CDH18: variants seen among roughly 807,000 people sequenced by gnomAD.
The protein encoded by CDH18 is cadherin-18.
Under a neutral mutation model 67.9 loss-of-function variants are expected in CDH18, and 31 were observed. That is an observed-to-expected ratio of 0.46 (90% CI 0.34 to 0.62). CDH18 has a LOEUF of 0.62. Ranked by LOEUF, CDH18 falls within the 20% of genes least tolerant of loss-of-function variation. The pLI is 0.01. For synonymous variants in CDH18, 362 were observed against 347.2 expected (o/e 1.04, Z -0.48); for missense variants, 890 against 975.5 (o/e 0.91, Z 1.17).
At chr5:20,382,943 T>C (rs762633881) in intron 1 of CDH18, among the ~76,000 whole-genome samples, 90 of 152,272 alleles carry the variant, frequency 5.9e-4, no homozygotes, top group Non-Finnish European at 9.6e-4. Flanking sequence ...ATTGCAACAA[T>C]TAATTTTTCA....
intron 1 of CDH18, chr5:20,304,020 T>C: frequency 7.3e-7 from 1 of 1,361,652 alleles, no homozygotes; most frequent in Non-Finnish European, 1.0e-6. Context: ...AACTTGGCAA[T>C]AATTCCGCAG....
rs114287704 is a variant in CDH18 at position 19,830,541 on chromosome 5, G to T, written c.228+8218C>A. Among the ~76,000 whole-genome samples, 316 of 152,136 alleles carry T rather than the reference G, an allele frequency of 2.1e-3. 1 individual carries two copies. The highest frequency in any genetic ancestry group is 7.4e-3 in the African/African-American group (309 of 41,520). ...TTACTAAAGTCAAGAAATAAAAAATGATGACAAGGTCATGAAGAAAAGGGA... is the reference window on the plus strand; with the variant it reads ...TTACTAAAGTCAAGAAATAAAAAATTATGACAAGGTCATGAAGAAAAGGGA... On this transcript the variant is annotated intron_variant, in intron 3 of 12. Transcript: ENST00000382275.
rs574816076 is a variant in CDH18, at chr5:19,776,733, G to GT, written c.229-29498dup. On this transcript the variant is annotated intron_variant, in intron 3 of 12. Coordinates refer to ENST00000382275, the MANE Select transcript of CDH18 (RefSeq NM_004934.5). ...ATTTTTTTAGTTGAGTGGCACCATA[G>GT]TGAAATAAGACTATATAAGTGGGAG... Among the ~76,000 whole-genome samples the GT allele has an allele frequency of 9.2e-5, 14 of 152,260 alleles. No individual in the cohort carries two copies. The East Asian group carries it at 2.5e-3, about 27-fold the overall frequency.
chr5:20,391,377 A>G lies in CDH18; in HGVS notation c.-579-135872T>C, dbSNP rs74953559. 3.6e-3 allele frequency among the ~76,000 whole-genome samples: 543 copies of G among 152,092 alleles called. 3 individuals carry two copies. Among genetic ancestry groups the G allele is most frequent in the Middle Eastern group, 0.017 (5 of 294 alleles). On this transcript the variant is annotated intron_variant, in intron 1 of 14. Coordinates refer to the CDH18 transcript ENST00000507958. ...CTTTATCTAAAAATTAGGAATGCTA[A>G]TAGTTGCTATATGATAGAATTTTTG...
intron 2 of CDH18, among the ~76,000 whole-genome samples, chr5:19,868,302 C>A (rs1785826947): frequency 6.6e-6 from 1 of 152,112 alleles, no homozygotes; most frequent in African/African-American, 2.4e-5. Flanking sequence ...TCCAGCTCTT[C>A]AGCTTTATTT....
chr5:19,476,231 A>C (rs1398809693), intron 12 of CDH18, among the ~76,000 whole-genome samples: 1 of 152,018 alleles, frequency 6.6e-6, no homozygotes, highest in African/African-American at 2.4e-5. Flanking sequence ...TAGCATTGGG[A>C]AGGTAATGAG....
chr5:20,249,980 C>T (rs1743707191), intron 2 of CDH18, among the ~76,000 whole-genome samples: 1 of 151,822 alleles, frequency 6.6e-6, no homozygotes, highest in African/African-American at 2.4e-5. Context: ...CATGACTAAC[C>T]AAAATAGTAG....
intron 2 of CDH18, among the ~76,000 whole-genome samples, chr5:20,090,590 T>A (rs1264439729): frequency 6.6e-6 from 1 of 151,960 alleles, no homozygotes; most frequent in Non-Finnish European, 1.5e-5. Context: ...AGTAAATGTG[T>A]TTACTATGTG....
At chr5:19,762,376 A>G (rs7717485) in intron 3 of CDH18, among the ~76,000 whole-genome samples, 122,106 of 152,112 alleles carry the variant, frequency 0.8, 54,195 homozygotes, top group Non-Finnish European at 0.98. Flanking sequence ...AATCTACAAA[A>G]AACTTAAACA....
At chr5:19,947,539 G>A (rs531418313) in intron 2 of CDH18, among the ~76,000 whole-genome samples, 5 of 133,098 alleles carry the variant, frequency 3.8e-5, no homozygotes, top group South Asian at 5.0e-4. Flanking sequence ...TCAGGAGTTC[G>A]CAATCAGCCT....
intron 5 of CDH18, among the ~76,000 whole-genome samples, chr5:19,695,244 T>C (rs1028525647): frequency 2.0e-5 from 3 of 152,218 alleles, no homozygotes; most frequent in African/African-American, 7.2e-5. Context: ...TTTTTCCACA[T>C]TGACCTTCTG....
chr5:20,299,416 A>G (rs1308884394), intron 1 of CDH18, among the ~76,000 whole-genome samples: 2 of 129,976 alleles, frequency 1.5e-5, no homozygotes. Flanking sequence ...ACACACACAC[A>G]CACACACACA....
intron 2 of CDH18, among the ~76,000 whole-genome samples, chr5:20,075,643 A>C (rs1361910221): frequency 6.6e-6 from 1 of 152,222 alleles, no homozygotes; most frequent in Non-Finnish European, 1.5e-5. Context: ...CATAGTTTTC[A>C]AAATTTATTT....
intron 1 of CDH18, among the ~76,000 whole-genome samples, chr5:20,267,260 T>A (rs1745111915): frequency 6.6e-6 from 1 of 152,194 alleles, no homozygotes; most frequent in African/African-American, 2.4e-5. Flanking sequence ...TGGCTCCATT[T>A]CTGGATTCTC....
At chr5:19,688,088 G>C (rs2150410394) in intron 5 of CDH18, among the ~76,000 whole-genome samples, 1 of 152,224 alleles carries the variant, frequency 6.6e-6, no homozygotes, top group South Asian at 2.1e-4. Flanking sequence ...TAACACCACA[G>C]CATGCTGCTT....
intron 12 of CDH18, among the ~76,000 whole-genome samples, chr5:19,476,082 G>A (rs1738413787): frequency 6.6e-6 from 1 of 152,042 alleles, no homozygotes; most frequent in Non-Finnish European, 1.5e-5. Context: ...AGAAAGGGAT[G>A]GTCACTGTGC....
chr5:19,916,418 T>TC (rs1791801586), intron 2 of CDH18, among the ~76,000 whole-genome samples: 1 of 152,174 alleles, frequency 6.6e-6, no homozygotes, highest in Admixed American at 6.5e-5. Context: ...CAGTGAGACA[T>TC]CACTTGACCT....
chr5:19,851,751 ATGTG>A (rs140494247), intron 2 of CDH18, among the ~76,000 whole-genome samples: 1 of 149,856 alleles, frequency 6.7e-6, no homozygotes. Flanking sequence ...GTGTGTGTGT[ATGTG>A]TGTGTGTGTG....
At chr5:20,470,472 C>A (rs751080423) in intron 1 of CDH18, among the ~76,000 whole-genome samples, 10 of 152,194 alleles carry the variant, frequency 6.6e-5, no homozygotes, top group Admixed American at 1.3e-4. Flanking sequence ...GATGTCTATT[C>A]TGTAACTTTT....
Sources: allele counts gnomAD v4.1 joint callset (sites outside exome capture counted in the v4.1 genomes callset), GRCh38; gene constraint gnomAD v4.1.1; transcripts MANE v1.5; gene names NCBI Gene and HGNC (gene_info 2026-07-23, HGNC 2026-07-21).